CEP128: variants seen among roughly 807,000 people sequenced by gnomAD.
The protein encoded by CEP128 is centrosomal protein 128.
In CEP128, 132 loss-of-function variants were observed where a neutral mutation model predicts 156.7. The observed-to-expected ratio is 0.84, with a 90% CI of 0.73 to 0.97. The LOEUF (loss-of-function observed/expected upper bound fraction) is 0.97, where lower values mean the gene tolerates loss of function less well. CEP128 is among the 50% of genes least tolerant of loss of function. The pLI, the probability that CEP128 is intolerant of heterozygous loss-of-function variation, is 0.00. For missense variants in CEP128, 1,252 were observed against 1,281.9 expected, an observed-to-expected ratio of 0.98 and a Z score of 0.36; for synonymous variants, 469 against 448.9, an observed-to-expected ratio of 1.04 and a Z score of -0.57.
Position 80,597,620 on chromosome 14 carries a change from CAAAG to C in CEP128, c.2807-17201_2807-17198del, listed in dbSNP as rs533359851. Among the ~76,000 whole-genome samples the C allele has an allele frequency of 4.5e-3, 633 of 141,000 alleles. 7 individuals carry two copies. The highest frequency in any genetic ancestry group is 0.013 in the African/African-American group (507 of 38,170). The allele number at this position is 141,000 out of a possible 152,430, so 92.5% of individuals were successfully genotyped here. ...AATAGACAATTGTCCCTCAAAAAAA[CAAAG>C]AAAGAAAGAAAAGAAAGAAAAGAAA... On this transcript the variant is annotated intron_variant, in intron 19 of 24. Transcript: ENST00000555265.
chr14:80,764,624 A>G (rs1007380868), intron 16 of CEP128, among the ~76,000 whole-genome samples: 1 of 152,236 alleles, frequency 6.6e-6, no homozygotes, highest in African/African-American at 2.4e-5. Context: ...CTATGGGCTC[A>G]CATGGATCTT....
At chr14:80,670,431 C>T (rs9323691) in intron 19 of CEP128, among the ~76,000 whole-genome samples, 14,167 of 152,086 alleles carry the variant, frequency 0.093, 2,190 homozygotes, top group African/African-American at 0.32. Flanking sequence ...TACATACACA[C>T]AGGAATACTA....
intron 13 of CEP128, among the ~76,000 whole-genome samples, chr14:80,829,255 A>G (rs111640841): frequency 4.6e-5 from 7 of 152,340 alleles, no homozygotes; most frequent in African/African-American, 1.4e-4. Context: ...AAATCAGAAA[A>G]AATGCAACTA....
chr14:80,585,083 G>A (rs1333883427), intron 19 of CEP128, among the ~76,000 whole-genome samples: 1 of 152,174 alleles, frequency 6.6e-6, no homozygotes, highest in African/African-American at 2.4e-5. Context: ...TCCTTGGATT[G>A]GTTCCAATTT....
intron 19 of CEP128, among the ~76,000 whole-genome samples, chr14:80,703,503 G>A (rs1284435690): frequency 6.6e-6 from 1 of 151,346 alleles, no homozygotes; most frequent in Non-Finnish European, 1.5e-5. Flanking sequence ...TTTAGCTTTT[G>A]GAGAAATTAG....
chr14:80,541,070 A>T (rs1035396136), intron 21 of CEP128, among the ~76,000 whole-genome samples: 5 of 152,220 alleles, frequency 3.3e-5, no homozygotes, highest in Non-Finnish European at 4.4e-5. Context: ...CAATAAGAAG[A>T]AATCAGGAGA....
chr14:80,729,058 G>GGGTGTGT (rs1898141728), intron 19 of CEP128, among the ~76,000 whole-genome samples: 18 of 105,056 alleles, frequency 1.7e-4, no homozygotes, highest in African/African-American at 5.5e-4. Flanking sequence ...GGCTGGTGGG[G>GGGTGTGT]GTGTGTGTGT....
chr14:80,947,941 T>C (rs17544072), intron 2 of CEP128, among the ~76,000 whole-genome samples: 65,536 of 152,074 alleles, frequency 0.43, 14,505 homozygotes, highest in Middle Eastern at 0.53. Flanking sequence ...CCAGCACAAG[T>C]GATGACCACC....
chr14:80,708,331 A>G (rs796921361), intron 19 of CEP128, among the ~76,000 whole-genome samples: 11 of 152,248 alleles, frequency 7.2e-5, no homozygotes, highest in African/African-American at 2.6e-4. Flanking sequence ...CCTACAAGCA[A>G]TGTTTGAAAG....
At chr14:80,799,949 T>C (rs1287472255) in intron 13 of CEP128, among the ~76,000 whole-genome samples, 1 of 152,218 alleles carries the variant, frequency 6.6e-6, no homozygotes, top group Non-Finnish European at 1.5e-5. Flanking sequence ...CTTTTTCCCT[T>C]TGTCCTGTTC....
chr14:80,693,987 T>G (rs1245033171), intron 19 of CEP128, among the ~76,000 whole-genome samples: 1 of 152,206 alleles, frequency 6.6e-6, no homozygotes, highest in African/African-American at 2.4e-5. Context: ...GAGAAGAAAG[T>G]TCCATGTTTT....
rs373925172 is a variant in CEP128, at chr14:80,540,197, A to C, written c.2881-9311T>G. Among the ~76,000 whole-genome samples the C allele has an allele frequency of 8.5e-3, 1,057 of 123,964 alleles. 2 individuals carry two copies. Among genetic ancestry groups the C allele is most frequent in the Admixed American group, 0.016 (181 of 11,036 alleles). The allele number at this position is 123,964 out of a possible 152,430, so 81.3% of individuals were successfully genotyped here. A position where few individuals can be genotyped will look rare whatever the true frequency, so the allele number is the denominator to read the frequency against. ...CTTTGTACCTACTCCCTGTTCTTAC[A>C]CCCCCCCCCCTTTTGAAACCCTTAA... On this transcript the variant is annotated intron_variant, in intron 21 of 24. Transcript: ENST00000555265.
chr14:80,837,986 A>G (rs996031576), intron 11 of CEP128, among the ~76,000 whole-genome samples: 1 of 152,228 alleles, frequency 6.6e-6, no homozygotes, highest in African/African-American at 2.4e-5. Flanking sequence ...AGCAAGATAC[A>G]CCATCACAGT....
intron 19 of CEP128, among the ~76,000 whole-genome samples, chr14:80,681,554 T>C (rs558786689): frequency 5.1e-4 from 77 of 152,276 alleles, no homozygotes; most frequent in Non-Finnish European, 9.1e-4. Flanking sequence ...TGGGAGGTAA[T>C]TGAATCACGG....
At chr14:80,853,719 G>A (rs1424813968) in intron 9 of CEP128, among the ~76,000 whole-genome samples, 1 of 151,884 alleles carries the variant, frequency 6.6e-6, no homozygotes, top group Admixed American at 6.6e-5. Context: ...AATAGGACAA[G>A]AGATTTTCAT....
chr14:80,817,005 G>A (rs12589266), intron 13 of CEP128, among the ~76,000 whole-genome samples: 1 of 149,272 alleles, frequency 6.7e-6, no homozygotes, highest in African/African-American at 2.5e-5. Flanking sequence ...CAGTGAATTA[G>A]CAGAGGCTAA....
intron 9 of CEP128, among the ~76,000 whole-genome samples, chr14:80,852,638 C>T (rs547264856): frequency 1.3e-5 from 2 of 151,736 alleles, no homozygotes; most frequent in Non-Finnish European, 1.5e-5. Flanking sequence ...AATAAACAGG[C>T]TATACAACCC....
intron 23 of CEP128, chr14:80,514,752 T>C (rs540418153): frequency 3.0e-5 from 9 of 299,220 alleles, no homozygotes; most frequent in African/African-American, 2.0e-4. Flanking sequence ...TGAGGGCATA[T>C]TTTCATGGAT....
intron 6 of CEP128, among the ~76,000 whole-genome samples, chr14:80,903,994 A>G (rs28771783): frequency 0.065 from 9,930 of 152,224 alleles, 1,077 homozygotes; most frequent in African/African-American, 0.23. Flanking sequence ...CTGGATATAT[A>G]CCCAAAGCTA....
Sources: allele counts gnomAD v4.1 joint callset (sites outside exome capture counted in the v4.1 genomes callset), GRCh38; gene constraint gnomAD v4.1.1; transcripts MANE v1.5; gene names NCBI Gene and HGNC (gene_info 2026-07-23, HGNC 2026-07-21).